CHST15: variants seen among roughly 807,000 people sequenced by gnomAD.
CHST15 encodes the protein carbohydrate sulfotransferase 15.
Under a neutral mutation model 53.6 loss-of-function variants are expected in CHST15, and 30 were observed. The ratio of observed to expected loss-of-function variants is 0.56; its 90% confidence interval spans 0.42 to 0.76. The LOEUF (loss-of-function observed/expected upper bound fraction) is 0.76. Ranked by LOEUF, CHST15 falls within the 30% of genes least tolerant of loss-of-function variation. The pLI, the probability that CHST15 is intolerant of heterozygous loss-of-function variation, is 0.00. For missense variants in CHST15, 627 were observed against 740.5 expected (o/e 0.85, Z 1.78); for synonymous variants, 296 against 289.8 (o/e 1.02, Z -0.22).
intron 1 of CHST15, among the ~76,000 whole-genome samples, chr10:124,056,606 T>C (rs1388932977): frequency 2.0e-5 from 3 of 152,184 alleles, no homozygotes; most frequent in Non-Finnish European, 4.4e-5. Flanking sequence ...GAGGCGGGGC[T>C]GTCCCTTGTC....
chr10:124,091,426 C>T (rs1285785792), intron 1 of CHST15, among the ~76,000 whole-genome samples: 1 of 152,166 alleles, frequency 6.6e-6, no homozygotes, highest in Non-Finnish European at 1.5e-5. Flanking sequence ...AATCTCTAGG[C>T]CTCAGTTTAC....
chr10:124,010,853 G>A (rs1285359675), intron 7 of CHST15: 10 of 985,318 alleles, frequency 1.0e-5, no homozygotes, highest in Non-Finnish European at 1.2e-5. Context: ...ATAGGGAGGA[G>A]GGCTGGGAGG....
At chr10:124,079,124 GAA>G (rs78007525) in intron 1 of CHST15, among the ~76,000 whole-genome samples, 8 of 151,110 alleles carry the variant, frequency 5.3e-5, no homozygotes, top group African/African-American at 1.9e-4. Flanking sequence ...AAACTACTCA[GAA>G]AAAAAAATTT....
At chr10:124,044,419 C>G (rs1170317685) in intron 3 of CHST15, among the ~76,000 whole-genome samples, 161 bp downstream of exon 3, 1 of 152,226 alleles carries the variant, frequency 6.6e-6, no homozygotes, top group Non-Finnish European at 1.5e-5. Context: ...GAACCGAGTT[C>G]CAGACCCTGC....
Position 124,012,323 on chromosome 10 carries a change from A to G in CHST15, c.1495+10T>C. 3 of 1,612,576 alleles carry G rather than the reference A, an allele frequency of 1.9e-6. No individual in the cohort carries two copies. Among genetic ancestry groups the G allele is most frequent in the Non-Finnish European group, 2.5e-6 (3 of 1,178,874 alleles). ...GCTTTGGCCCGTCAGTCTAAGCACC[A>G]CACTCATACCTAGGTTCAGAAACTG... On this transcript the variant is annotated intron_variant, in intron 7 of 7. Coordinates refer to ENST00000435907, the MANE Select transcript of CHST15 (RefSeq NM_001270764.2).
chr10:124,015,352 G>A (rs1308999478), intron 6 of CHST15, among the ~76,000 whole-genome samples: 1 of 151,660 alleles, frequency 6.6e-6, no homozygotes, highest in South Asian at 2.1e-4. Context: ...GAAGTTAACC[G>A]TGCCAGCTGA....
chr10:124,077,362 A>G (rs1175144053), intron 1 of CHST15, among the ~76,000 whole-genome samples: 2 of 152,224 alleles, frequency 1.3e-5, no homozygotes, highest in Non-Finnish European at 2.9e-5. Context: ...TCTCTAATGC[A>G]GCTCTGCCTG....
At chr10:124,034,710 G>T (rs1464099262) in intron 5 of CHST15, among the ~76,000 whole-genome samples, 1 of 141,394 alleles carries the variant, frequency 7.1e-6, no homozygotes, top group Non-Finnish European at 1.5e-5. Context: ...CCCTAACAGG[G>T]ACCCCGGCTC....
In CHST15 at chr10:124,008,089, T is replaced by C. The variant is rs577913670; in HGVS notation, c.*2060A>G. 118 of 1,231,960 alleles carry C rather than the reference T, an allele frequency of 9.6e-5. No individual in the cohort carries two copies. Among genetic ancestry groups the C allele is most frequent in the Non-Finnish European group, 1.2e-4 (114 of 987,932 alleles). The allele number at this position is 1,231,960 out of a possible 1,614,324, so 76.3% of individuals were successfully genotyped here. A position where few individuals can be genotyped will look rare whatever the true frequency, so the allele number is the denominator to read the frequency against. On this transcript the variant is annotated 3_prime_UTR_variant, in exon 8 of 8. Transcript: ENST00000435907. ...AAGATCCGCATAATAAACCAAATAA[T>C]ATTGGAAATAATACCTTCAGTAATA...
At chr10:124,085,848 T>C (rs1168350024) in intron 1 of CHST15, among the ~76,000 whole-genome samples, 2 of 150,954 alleles carry the variant, frequency 1.3e-5, no homozygotes, top group African/African-American at 4.9e-5. Flanking sequence ...CTGAAGGCAG[T>C]GGGGGTGGGG....
chr10:124,044,668 G>A lies in CHST15; in HGVS notation c.798C>T (p.Thr266=), dbSNP rs1457284672. The change falls in exon 3 of 8, where the codon ACC becomes ACT. Residue 266 remains threonine, a synonymous_variant. Coordinates refer to ENST00000435907, the MANE Select transcript of CHST15 (RefSeq NM_001270764.2). ...GCCGCAGGCGGTCATAGAGGTCTGTGGTCCCGCACTTGGGCTGCCCTATGA... is the reference window on the plus strand; with the variant it reads ...GCCGCAGGCGGTCATAGAGGTCTGTAGTCCCGCACTTGGGCTGCCCTATGA... ...FYIIGQPKCG[T]TDLYDRLRLH... The A allele has an allele frequency of 1.2e-6, 2 of 1,613,322 alleles. No individual in the cohort carries two copies. Among genetic ancestry groups the A allele is most frequent in the South Asian group, 1.1e-5 (1 of 91,044 alleles).
Position 124,064,526 on chromosome 10 carries a change from C to A in CHST15, c.-512-17802G>T, listed in dbSNP as rs543945197. 2.1e-3 allele frequency among the ~76,000 whole-genome samples: 314 copies of A among 152,250 alleles called. 1 individual carries two copies. Among genetic ancestry groups the A allele is most frequent in the African/African-American group, 7.0e-3 (291 of 41,532 alleles). On this transcript the variant is annotated intron_variant, in intron 1 of 7. Transcript: ENST00000435907. ...TGTGGGGCTTGCGGCCCGGGAGACA[C>A]CACGAGATCATGAAACAACCATACC...
chr10:124,034,525 ACCCCTAACAGGGACCCTGGCTTCAT>A (rs1172490256), intron 5 of CHST15, among the ~76,000 whole-genome samples: 32 of 148,790 alleles, frequency 2.2e-4, no homozygotes, highest in Admixed American at 6.0e-4. Context: ...CCCTGGCTCC[ACCCCTAACAGGGACCCTGGCTTCAT>A]CCCCTAACAG....
chr10:124,009,642 G>T lies in CHST15; in HGVS notation c.*507C>A, dbSNP rs1232530189. ...AGTGTTTCAGAAGTGAATGTGGTAT[G>T]ATCACACCTGTGAAGATAGCCATTG... On this transcript the variant is annotated 3_prime_UTR_variant, in exon 8 of 8. Transcript: ENST00000435907. 1 of 998,246 alleles carries T rather than the reference G, an allele frequency of 1.0e-6. No individual in the cohort carries two copies. The highest frequency in any genetic ancestry group is 1.2e-6 in the Non-Finnish European group (1 of 836,768). 61.8% of individuals were successfully genotyped at this position (998,246 alleles called of 1,614,324 possible).
intron 1 of CHST15, among the ~76,000 whole-genome samples, chr10:124,070,675 C>T (rs1269883386): frequency 1.3e-5 from 2 of 152,144 alleles, no homozygotes; most frequent in Non-Finnish European, 2.9e-5. Flanking sequence ...GTGCCCGGCC[C>T]TCAATAAAGA....
In CHST15 at chr10:124,074,214, C is replaced by T. The variant is rs28562803; in HGVS notation, c.-513+19255G>A. 0.027 allele frequency among the ~76,000 whole-genome samples: 4,170 copies of T among 152,244 alleles called. 264 individuals carry two copies. Among genetic ancestry groups the T allele is most frequent in the East Asian group, 0.21 (1,085 of 5,162 alleles). ...CCACTTCATTTCTGCAGGGCCAGTG[C>T]CCCCCGGCTGGGAAAGACACCGAAC... On this transcript the variant is annotated intron_variant, in intron 1 of 7. Transcript: ENST00000435907. The surrounding 1 kb of genome is among the most constrained non-coding windows in gnomAD (Gnocchi z 4.4).
At chr10:124,020,560 G>C in intron 6 of CHST15, 1 of 985,702 alleles carries the variant, frequency 1.0e-6, no homozygotes, top group Non-Finnish European at 1.2e-6. Context: ...CAGCAGGCCT[G>C]TTGGTGCCTT....
chr10:124,045,543 C>A, intron 2 of CHST15, 124 bp downstream of exon 2: 1 of 981,080 alleles, frequency 1.0e-6, no homozygotes, highest in Non-Finnish European at 1.5e-6. Flanking sequence ...GTCAAATGAT[C>A]CTTGCTACAT....
rs928224094 is a variant in CHST15, at chr10:124,036,578, G to C, written c.1190+1937C>G. On this transcript the variant is annotated intron_variant, in intron 5 of 7. Transcript: ENST00000435907. This position sits in a 1 kb window ranked among gnomAD's most constrained non-coding sequence, Gnocchi z 5.1. Reference sequence around the variant, plus strand: ...GGACATCAGCTCAGAAGTGTGACCAGAGCAGACTTTAAAGCATGTTTCTGG... The same window carrying C: ...GGACATCAGCTCAGAAGTGTGACCACAGCAGACTTTAAAGCATGTTTCTGG... Among the ~76,000 whole-genome samples the C allele has an allele frequency of 3.3e-5, 5 of 152,140 alleles. No individual in the cohort carries two copies. Among genetic ancestry groups the C allele is most frequent in the Non-Finnish European group, 1.5e-5 (1 of 68,028 alleles).
Sources: allele counts gnomAD v4.1 joint callset (sites outside exome capture counted in the v4.1 genomes callset), GRCh38; gene constraint gnomAD v4.1.1; non-coding constraint Gnocchi (gnomAD v3.1); transcripts MANE v1.5; gene names NCBI Gene and HGNC (gene_info 2026-07-23, HGNC 2026-07-21).